Variants in PCDH15 observed in about 807,000 individuals in gnomAD.
The protein encoded by PCDH15 is protocadherin related 15.
In PCDH15, 129 loss-of-function variants were observed where a neutral mutation model predicts 178.5. The ratio of observed to expected loss-of-function variants is 0.72; its 90% CI spans 0.63 to 0.84. The LOEUF is 0.84. Ranked by LOEUF, PCDH15 falls within the 40% of genes least tolerant of loss-of-function variation. The pLI is 0.00. For missense variants in PCDH15, 2,230 were observed against 2,099.9 expected (o/e 1.06, Z -1.21); for synonymous variants, 800 against 732.0 (o/e 1.09, Z -1.50).
At chr10:54,194,728 C>A (rs61860668) in intron 11 of PCDH15, among the ~76,000 whole-genome samples, 21,134 of 148,976 alleles carry the variant, frequency 0.14, 2,283 homozygotes, top group African/African-American at 0.31. Flanking sequence ...ATATGTCTAT[C>A]TATCTATCTA....
At chr10:53,854,195 T>C (rs2078577945) in intron 28 of PCDH15, among the ~76,000 whole-genome samples, 1 of 151,984 alleles carries the variant, frequency 6.6e-6, no homozygotes, top group South Asian at 2.1e-4. Flanking sequence ...ACTTTTATGA[T>C]GTATTTAAAG....
chr10:55,317,772 T>C (rs940370979), intron 1 of PCDH15, among the ~76,000 whole-genome samples: 4 of 149,914 alleles, frequency 2.7e-5, no homozygotes, highest in African/African-American at 9.8e-5. Context: ...AAAAAGGTAA[T>C]CAAAGTCAGA....
chr10:55,361,359 T>G (rs533837380), intron 2 of PCDH15, among the ~76,000 whole-genome samples: 1 of 152,192 alleles, frequency 6.6e-6, no homozygotes, highest in Non-Finnish European at 1.5e-5. Context: ...ATTGTATAAA[T>G]AGTCAAACAT....
intron 8 of PCDH15, among the ~76,000 whole-genome samples, chr10:54,262,998 G>C (rs186889337): frequency 1.9e-4 from 27 of 144,664 alleles, no homozygotes; most frequent in African/African-American, 7.0e-4. Flanking sequence ...TACTGGTGTT[G>C]CACCCATTGT....
At chr10:54,599,807 C>T in intron 2 of PCDH15, 1 of 577,054 alleles carries the variant, frequency 1.7e-6, no homozygotes, top group South Asian at 1.7e-5. Context: ...GAGAAGGAAG[C>T]CTCTAGTGAA....
intron 26 of PCDH15, among the ~76,000 whole-genome samples, chr10:53,885,415 T>C (rs1163682086): frequency 6.6e-6 from 1 of 152,152 alleles, no homozygotes; most frequent in Non-Finnish European, 1.5e-5. Flanking sequence ...AAAGAAATAT[T>C]ATTTTAAAAA....
intron 1 of PCDH15, among the ~76,000 whole-genome samples, chr10:54,707,338 C>T (rs1237724482): frequency 6.6e-6 from 1 of 152,048 alleles, no homozygotes; most frequent in Admixed American, 6.5e-5. Context: ...TGTTCTTGCC[C>T]AGGTCCATAT....
intron 2 of PCDH15, among the ~76,000 whole-genome samples, chr10:55,143,823 TA>T (rs1838419308): frequency 2.8e-5 from 1 of 35,606 alleles, no homozygotes; most frequent in South Asian, 1.6e-3. Flanking sequence ...ACCTAGTGGG[TA>T]CTACTACAGG....
chr10:54,325,298 T>G (rs1216818737), intron 7 of PCDH15, among the ~76,000 whole-genome samples: 3 of 152,118 alleles, frequency 2.0e-5, no homozygotes, highest in Admixed American at 6.6e-5. Flanking sequence ...CTGGGTAATG[T>G]TCAATAATTT....
chr10:55,597,492 C>T lies in PCDH15; in HGVS notation c.-156+30133G>A, dbSNP rs60702739. ...CATGAACACTCCAACACTAGCCCCT[C>T]GATTAACGTAATTTTCTAAAAAATC... On this transcript the variant is annotated intron_variant, in intron 2 of 5. Transcript: ENST00000613346. Among the ~76,000 whole-genome samples the T allele has an allele frequency of 8.1e-3, 1,232 of 152,100 alleles. 27 individuals are homozygous for T. The highest frequency in any genetic ancestry group is 0.028 in the African/African-American group (1,173 of 41,496).
chr10:54,387,192 T>TATTACC (rs1272979442), intron 3 of PCDH15, among the ~76,000 whole-genome samples: 3 of 152,174 alleles, frequency 2.0e-5, no homozygotes, highest in African/African-American at 7.2e-5. Flanking sequence ...TTAAAAACAG[T>TATTACC]ATTACCACGT....
intron 2 of PCDH15, among the ~76,000 whole-genome samples, chr10:54,581,180 A>G (rs1306829306): frequency 2.0e-5 from 3 of 152,072 alleles, no homozygotes; most frequent in Non-Finnish European, 2.9e-5. Context: ...ATATGTTTCT[A>G]CACTAAGGAA....
chr10:55,094,679 C>T (rs1390737805), intron 2 of PCDH15, among the ~76,000 whole-genome samples: 1 of 151,968 alleles, frequency 6.6e-6, no homozygotes, highest in Non-Finnish European at 1.5e-5. Flanking sequence ...ATGTTTTTAG[C>T]ATTCATAGTT....
At position 53,864,867 on chromosome 10, in the gene PCDH15, T is replaced by C. The variant is rs144837726; in HGVS notation, c.3717+1775A>G. On this transcript the variant is annotated intron_variant, in intron 27 of 37. Coordinates refer to ENST00000644397, the MANE Select transcript of PCDH15 (RefSeq NM_001384140.1). ...TTTGTTCCTTTGTTTCGTTCCTGTG[T>C]TAATTTGTGTGTTTTGTTCAATTCT... Among the ~76,000 whole-genome samples the C allele has an allele frequency of 9.3e-4, 141 of 152,218 alleles. 1 individual carries two copies. Among genetic ancestry groups the C allele is most frequent in the African/African-American group, 3.3e-3 (135 of 41,516 alleles).
intron 3 of PCDH15, among the ~76,000 whole-genome samples, chr10:54,822,010 C>CT (rs759549895): frequency 2.0e-5 from 3 of 152,080 alleles, no homozygotes; most frequent in Non-Finnish European, 2.9e-5. Flanking sequence ...TTTTAATAAC[C>CT]TTTTTATGTT....
intron 26 of PCDH15, among the ~76,000 whole-genome samples, chr10:53,881,741 C>T (rs907526976): frequency 5.3e-5 from 8 of 151,882 alleles, no homozygotes; most frequent in Non-Finnish European, 7.4e-5. Flanking sequence ...TTAACCCTTG[C>T]GATGTTTTGA....
chr10:53,903,394 T>G, intron 25 of PCDH15, 24 bp from the exon 26 acceptor site: 3 of 1,610,806 alleles, frequency 1.9e-6, no homozygotes, highest in Non-Finnish European at 2.5e-6. Context: ...AACGATGCAT[T>G]TTTTATTGGT....
intron 2 of PCDH15, among the ~76,000 whole-genome samples, chr10:55,332,984 C>A (rs951243515): frequency 6.6e-6 from 1 of 152,130 alleles, no homozygotes; most frequent in Admixed American, 6.6e-5. Context: ...ACTTGCCACA[C>A]ATCTTTTACA....
chr10:55,179,296 AG>A (rs1173846003), intron 1 of PCDH15, among the ~76,000 whole-genome samples: 3 of 151,960 alleles, frequency 2.0e-5, no homozygotes, highest in South Asian at 2.1e-4. Flanking sequence ...ACCTCTTCAG[AG>A]GGGGGATTGA....
Sources: gnomAD v4.1 joint callset for allele counts (sites outside exome capture counted in the v4.1 genomes callset) on GRCh38, gnomAD v4.1.1 for gene constraint, MANE v1.5 for transcripts, NCBI Gene and HGNC (gene_info 2026-07-23, HGNC 2026-07-21) for gene names.